The following NMNAT1 variants were observed in gnomAD, a reference collection of about 807,000 sequenced individuals.
NMNAT1 encodes the protein nicotinamide/nicotinic acid mononucleotide adenylyltransferase 1.
In NMNAT1, 11 loss-of-function variants were observed where a neutral mutation model predicts 16.7. That is an observed-to-expected ratio of 0.66 (90% CI 0.41 to 1.09). The LOEUF (loss-of-function observed/expected upper bound fraction) is 1.09. NMNAT1 is among the 50% of genes least tolerant of loss of function. The pLI is 0.00. For missense variants in NMNAT1, 280 were observed against 332.3 expected (o/e 0.84, Z 1.22); for synonymous variants, 110 against 119.8 (o/e 0.92, Z 0.53).
intron 1 of NMNAT1, among the ~76,000 whole-genome samples, chr1:9,965,804 T>C (rs1641528552): frequency 6.6e-6 from 1 of 151,654 alleles, no homozygotes; most frequent in African/African-American, 2.4e-5. Flanking sequence ...CTTGACAACA[T>C]AGTGAGACCC....
chr1:9,968,011 A>G (rs992186871), intron 1 of NMNAT1, among the ~76,000 whole-genome samples: 4 of 151,642 alleles, frequency 2.6e-5, no homozygotes, highest in Admixed American at 6.6e-5. Context: ...CTAGTAACAT[A>G]ATTTGCAACA....
At chr1:9,961,773 T>C (rs1229839218) in intron 1 of NMNAT1, among the ~76,000 whole-genome samples, 1 of 152,022 alleles carries the variant, frequency 6.6e-6, no homozygotes, top group Non-Finnish European at 1.5e-5. Flanking sequence ...AGGCCCCAAG[T>C]ATATATATAT....
chr1:9,957,260 C>T (rs1432398820), intron 1 of NMNAT1, among the ~76,000 whole-genome samples: 3 of 152,210 alleles, frequency 2.0e-5, no homozygotes, highest in Non-Finnish European at 4.4e-5. Context: ...CACTCCCAAC[C>T]TCAGGTGATC....
At chr1:9,946,126 C>T (rs1350457034) in intron 1 of NMNAT1, among the ~76,000 whole-genome samples, 4 of 152,134 alleles carry the variant, frequency 2.6e-5, no homozygotes, top group African/African-American at 4.8e-5. Flanking sequence ...GTGCAGTCTT[C>T]GAAGCAGTGG....
chr1:9,966,442 A>T (rs911091872), intron 1 of NMNAT1, among the ~76,000 whole-genome samples: 2 of 151,532 alleles, frequency 1.3e-5, no homozygotes, highest in African/African-American at 2.4e-5. Flanking sequence ...GTGAAACCCC[A>T]TCTCTACTAA....
chr1:9,988,215 C>T (rs1197956845), downstream of NMNAT1, among the ~76,000 whole-genome samples: 1 of 152,104 alleles, frequency 6.6e-6, no homozygotes, highest in Non-Finnish European at 1.5e-5. Flanking sequence ...CCCGGCTGAT[C>T]TCAAACTGAC....
rs1272751727 is a variant in NMNAT1, at chr1:9,984,462, G to A, written c.*1761G>A. The A allele has an allele frequency of 6.6e-6, 1 of 152,130 alleles. No individual in the cohort carries two copies. The highest frequency in any genetic ancestry group is 1.5e-5 in the Non-Finnish European group (1 of 68,036). The allele number at this position is 152,130 out of a possible 1,614,324, so 9.4% of individuals were successfully genotyped here. A position where few individuals can be genotyped will look rare whatever the true frequency, so the allele number is the denominator to read the frequency against. On this transcript the variant is annotated 3_prime_UTR_variant, in exon 5 of 5. Coordinates refer to ENST00000377205, the MANE Select transcript of NMNAT1 (RefSeq NM_022787.4). ...CCGAGGATGCTGTTGATGCTGCCACGTAATAGCATAATTTTGGGTGTCCTC... is the reference window on the plus strand; with the variant it reads ...CCGAGGATGCTGTTGATGCTGCCACATAATAGCATAATTTTGGGTGTCCTC...
At chr1:9,973,182 T>A (rs1641727552) in intron 2 of NMNAT1, among the ~76,000 whole-genome samples, 1 of 152,052 alleles carries the variant, frequency 6.6e-6, no homozygotes, top group South Asian at 2.1e-4. Flanking sequence ...AGTGGCGCGA[T>A]CTCGGCTCAC....
chr1:9,956,324 C>T (rs1442474192), intron 1 of NMNAT1, among the ~76,000 whole-genome samples: 1 of 151,880 alleles, frequency 6.6e-6, no homozygotes, highest in East Asian at 1.9e-4. Context: ...CACGTGCCAC[C>T]ACACCCGGCT....
chr1:9,965,278 C>T (rs186690414), intron 1 of NMNAT1, among the ~76,000 whole-genome samples: 6 of 137,552 alleles, frequency 4.4e-5, no homozygotes, highest in Admixed American at 2.3e-4. Context: ...GATTGTGCCA[C>T]TGCACTCCAG....
chr1:9,961,231 CTGTT>C (rs1293571156), intron 1 of NMNAT1, among the ~76,000 whole-genome samples: 1 of 152,184 alleles, frequency 6.6e-6, no homozygotes, highest in East Asian at 1.9e-4. Flanking sequence ...GGGCTAAAAG[CTGTT>C]TGTTCCATCC....
chr1:9,944,114 C>G (rs1027076325), intron 1 of NMNAT1, among the ~76,000 whole-genome samples: 10 of 151,782 alleles, frequency 6.6e-5, no homozygotes, highest in African/African-American at 2.4e-4. Flanking sequence ...ATTAGCTGGG[C>G]GTGGTGGTGG....
rs529236396 is a variant in NMNAT1, at chr1:9,985,223, A to T, written c.*2522A>T. The T allele has an allele frequency of 3.9e-5, 6 of 152,250 alleles. No homozygotes were observed. The highest frequency in any genetic ancestry group is 1.4e-4 in the African/African-American group (6 of 41,554). 9.4% of individuals were successfully genotyped at this position (152,250 alleles called of 1,614,324 possible). ...CACCTCTGAAATCTGAACTTCGTTT[A>T]CCAGTGGTGCTGTTTGAACTTCATA... is the stretch of plus-strand genomic sequence containing the variant. On this transcript the variant is annotated 3_prime_UTR_variant, in exon 5 of 5. Transcript: ENST00000377205.
chr1:9,971,919 G>A (rs1641697582), intron 1 of NMNAT1, 99 bp from the exon 2 acceptor site: 2 of 599,488 alleles, frequency 3.3e-6, no homozygotes, highest in East Asian at 2.8e-5. Context: ...GCAGTCAGCT[G>A]TGGTTGCATC....
Position 9,975,782 on chromosome 1 carries a change from A to G in NMNAT1, c.299+7A>G. ...AGACTCTGAAGGTGCTAAGGTATTT[A>G]TGGTGTAATCAACTTTGTCAGTTCT... On this transcript the variant is annotated splice_region_variant and intron_variant, in intron 3 of 4. Transcript: ENST00000377205. 6.2e-7 allele frequency: 1 copy of G among 1,604,680 alleles called. No homozygotes were observed. The highest frequency in any genetic ancestry group is 8.5e-7 in the Non-Finnish European group (1 of 1,175,012).
chr1:9,975,735 A>G lies in NMNAT1; in HGVS notation c.259A>G (p.Ser87Gly). 1.9e-6 allele frequency: 3 copies of G among 1,614,084 alleles called. No homozygotes were observed. The highest frequency in any genetic ancestry group is 2.5e-6 in the Non-Finnish European group (3 of 1,179,988). Residue 87 changes from serine (S) to glycine (G), a missense_variant, in exon 3 of 5, where the codon AGT becomes GGT. Coordinates refer to ENST00000377205, the MANE Select transcript of NMNAT1 (RefSeq NM_022787.4). ...ATGGGTGGAAGTTGATACATGGGAA[A>G]GTCTTCAGAAGGAGTGGAAAGAGAC... Reference protein sequence around the residue: ...SKWVEVDTWESLQKEWKETLK... With the variant: ...SKWVEVDTWEGLQKEWKETLK...
chr1:9,967,101 A>AT (rs1641562541), intron 1 of NMNAT1, among the ~76,000 whole-genome samples: 1 of 151,888 alleles, frequency 6.6e-6, no homozygotes, highest in African/African-American at 2.4e-5. Context: ...GCAGGCATCT[A>AT]TAATCCCAGC....
chr1:9,955,273 A>G (rs926672843), intron 1 of NMNAT1, among the ~76,000 whole-genome samples: 1 of 150,884 alleles, frequency 6.6e-6, no homozygotes, highest in Non-Finnish European at 1.5e-5. Context: ...GCGTGGTGGT[A>G]TGCACCTGTA....
At chr1:9,986,437 G>A (rs1449053171), downstream of NMNAT1, among the ~76,000 whole-genome samples, 5 of 152,278 alleles carry the variant, frequency 3.3e-5, no homozygotes, top group South Asian at 2.1e-4. Context: ...AGCTAGCGCC[G>A]GCGTGGTGGC....
Sources: gnomAD v4.1 joint callset for allele counts (sites outside exome capture counted in the v4.1 genomes callset) on GRCh38, gnomAD v4.1.1 for gene constraint, MANE v1.5 for transcripts, NCBI Gene and HGNC (gene_info 2026-07-23, HGNC 2026-07-21) for gene names.